Variants in CPLX1 observed in about 807,000 individuals in gnomAD.
CPLX1 encodes complexin 1, also known as complexin-1.
Under a neutral mutation model 15.6 loss-of-function variants are expected in CPLX1, and 6 were observed. The observed-to-expected ratio is 0.39, with a 90% confidence interval of 0.21 to 0.76. CPLX1 has a LOEUF of 0.76. CPLX1 is among the 30% of genes least tolerant of loss of function. The probability of loss-of-function intolerance (pLI) is 0.43; values close to 1 mark genes in which losing one functional copy is unlikely to be tolerated. For missense variants in CPLX1, 242 were observed against 188.6 expected, an observed-to-expected ratio of 1.28 and a Z score of -1.66; for synonymous variants, 91 against 75.2, an observed-to-expected ratio of 1.21 and a Z score of -1.08.
At chr4:804,001 A>C (rs1164760254) in intron 2 of CPLX1, among the ~76,000 whole-genome samples, 3 of 152,212 alleles carry the variant, frequency 2.0e-5, no homozygotes, top group Non-Finnish European at 4.4e-5. Context: ...TTAGGTGCAC[A>C]GCCTCACCCT....
chr4:787,955 C>CG, intron 3 of CPLX1: 1 of 985,418 alleles, frequency 1.0e-6, no homozygotes, highest in Non-Finnish European at 1.2e-6. Context: ...ACAGGACCCC[C>CG]GGGCCAGGTC....
chr4:801,040 C>T (rs1011841568), intron 2 of CPLX1, among the ~76,000 whole-genome samples: 16 of 149,930 alleles, frequency 1.1e-4, no homozygotes, highest in Admixed American at 6.7e-4. Context: ...GTTGGCCGGA[C>T]GCAGTGGCTC....
At chr4:824,272 G>T (rs1267234054) in intron 2 of CPLX1, among the ~76,000 whole-genome samples, 1 of 152,234 alleles carries the variant, frequency 6.6e-6, no homozygotes, top group South Asian at 2.1e-4. Flanking sequence ...CCCCTGTCCC[G>T]CCAGGAACAC....
chr4:820,359 G>T (rs1746838799), intron 2 of CPLX1, among the ~76,000 whole-genome samples: 2 of 152,264 alleles, frequency 1.3e-5, no homozygotes, highest in Admixed American at 6.5e-5. Context: ...AGCCTGTGGG[G>T]TCCCTAATAA....
chr4:788,139 C>T, intron 3 of CPLX1: 3 of 985,370 alleles, frequency 3.0e-6, no homozygotes, highest in Middle Eastern at 5.2e-4. Flanking sequence ...AGCCCCTCCC[C>T]TGCCATCTCC....
intron 3 of CPLX1, chr4:787,667 G>C: frequency 1.0e-6 from 1 of 983,248 alleles, no homozygotes; most frequent in South Asian, 4.7e-5. Context: ...CTCCCCCAGA[G>C]CCTCCAGAGG....
chr4:792,945 TGTG>T (rs1163158534), intron 2 of CPLX1, among the ~76,000 whole-genome samples: 2 of 152,304 alleles, frequency 1.3e-5, no homozygotes, highest in African/African-American at 4.8e-5. Context: ...GTGTGGCTGT[TGTG>T]GTTGTGTTTG....
intron 3 of CPLX1, chr4:787,434 T>C (rs1746033382): frequency 1.6e-5 from 15 of 957,500 alleles, no homozygotes; most frequent in Non-Finnish European, 1.9e-5. Context: ...TCAAAGGTGA[T>C]CTCATTCGGA....
chr4:799,708 C>T (rs774778267), intron 2 of CPLX1, among the ~76,000 whole-genome samples: 18 of 152,038 alleles, frequency 1.2e-4, no homozygotes, highest in Non-Finnish European at 1.8e-4. Context: ...ACTAAAAATA[C>T]AAAAATTATC....
intron 2 of CPLX1, among the ~76,000 whole-genome samples, chr4:803,733 T>C: frequency 6.6e-6 from 1 of 151,474 alleles, no homozygotes; most frequent in East Asian, 1.9e-4. Context: ...TGCAATGGCG[T>C]GATCTTGGCT....
At chr4:792,645 A>C (rs750299210) in intron 2 of CPLX1, 37 bp from the exon 3 acceptor site, 1 of 1,585,100 alleles carries the variant, frequency 6.3e-7, no homozygotes, top group Non-Finnish European at 8.6e-7. Context: ...CGCCCCATTC[A>C]GATGTCCAGG....
intron 2 of CPLX1, among the ~76,000 whole-genome samples, chr4:815,410 C>CAAA (rs71166897): frequency 0.081 from 7,460 of 92,598 alleles, 681 homozygotes; most frequent in East Asian, 0.21. Context: ...GACTCCGTCT[C>CAAA]AAAAAAAAAA....
chr4:803,810 C>T (rs1489348858), intron 2 of CPLX1, among the ~76,000 whole-genome samples: 1 of 152,240 alleles, frequency 6.6e-6, no homozygotes, highest in Non-Finnish European at 1.5e-5. Flanking sequence ...GCTGGGATTA[C>T]AGGCGTGTGC....
At chr4:787,395 T>G in intron 3 of CPLX1, 1 of 984,354 alleles carries the variant, frequency 1.0e-6, no homozygotes, top group Non-Finnish European at 1.2e-6. Flanking sequence ...CTGAATATTG[T>G]CCCCCTCAAA....
At chr4:810,152 C>G (rs968634453) in intron 2 of CPLX1, among the ~76,000 whole-genome samples, 6 of 151,432 alleles carry the variant, frequency 4.0e-5, no homozygotes, top group Non-Finnish European at 1.5e-5. Flanking sequence ...TGGGCTCACA[C>G]CATTCTCCTG....
chr4:802,773 C>T (rs1191359972), intron 2 of CPLX1, among the ~76,000 whole-genome samples: 2 of 152,090 alleles, frequency 1.3e-5, no homozygotes, highest in African/African-American at 4.8e-5. Flanking sequence ...CATCGTGAAA[C>T]CCCATCTCTA....
intron 3 of CPLX1, 30 bp from the exon 4 acceptor site, chr4:786,728 G>A (rs1481786378): frequency 4.5e-6 from 7 of 1,556,438 alleles, no homozygotes; most frequent in Admixed American, 3.7e-5. Flanking sequence ...CAGGGCGGGG[G>A]TCCCGGCGGC....
chr4:811,608 C>T (rs1030510377), intron 2 of CPLX1, among the ~76,000 whole-genome samples: 2 of 152,214 alleles, frequency 1.3e-5, no homozygotes, highest in East Asian at 1.9e-4. Context: ...AACCCTTTCA[C>T]GTGCACTGAG....
Position 826,098 on chromosome 4 carries a change from C to T in CPLX1, c.-132G>A, listed in dbSNP as rs1480177208. On this transcript the variant is annotated 5_prime_UTR_variant, in exon 1 of 4. An upstream start codon of the reference 5' UTR is lost. Coordinates refer to ENST00000304062, the MANE Select transcript of CPLX1 (RefSeq NM_006651.4). Reference sequence around the variant, plus strand: ...GGGGCGCGCTCGGGCCGGCTGGGTCCATGTGGCGCCCGGTGAGCTGCGGCG... The same window carrying T: ...GGGGCGCGCTCGGGCCGGCTGGGTCTATGTGGCGCCCGGTGAGCTGCGGCG... The T allele has an allele frequency of 6.9e-6, 1 of 145,580 alleles. No individual in the cohort carries two copies. The highest frequency in any genetic ancestry group is 1.5e-5 in the Non-Finnish European group (1 of 65,804). The allele number at this position is 145,580 out of a possible 1,614,324, so 9.0% of individuals were successfully genotyped here.
Sources: gnomAD v4.1 joint callset for allele counts (sites outside exome capture counted in the v4.1 genomes callset) on GRCh38, gnomAD v4.1.1 for gene constraint, MANE v1.5 for transcripts, NCBI Gene and HGNC (gene_info 2026-07-23, HGNC 2026-07-21) for gene names.